The following RFTN1 variants were observed in gnomAD, a reference collection of about 807,000 sequenced individuals.
The protein encoded by RFTN1 is raftlin, lipid raft linker 1.
RFTN1 carries 26 observed loss-of-function variants against 46.5 expected under a neutral mutation model. That is an observed-to-expected ratio of 0.56 (90% CI 0.41 to 0.78). The LOEUF (loss-of-function observed/expected upper bound fraction) is 0.78. Among genes scored for constraint, RFTN1 ranks in the 30% least tolerant of loss-of-function variants. The probability of loss-of-function intolerance (pLI) is 0.00; values close to 1 mark genes in which losing one functional copy is unlikely to be tolerated. For synonymous variants in RFTN1, 261 were observed against 284.2 expected (o/e 0.92, Z 0.82); for missense variants, 693 against 718.7 (o/e 0.96, Z 0.41).
At position 16,382,241 on chromosome 3, in the gene RFTN1, T is replaced by C. The variant is rs959209448; in HGVS notation, c.442-4139A>G. 2.6e-5 allele frequency among the ~76,000 whole-genome samples: 4 copies of C among 152,186 alleles called. No homozygotes were observed. Among genetic ancestry groups the C allele is most frequent in the African/African-American group, 9.7e-5 (4 of 41,450 alleles). ...GTTGTTTACCAAAAAGGGTGCGTAG[T>C]CCTTTTTAACTAGACGACCACATTT... On this transcript the variant is annotated intron_variant, in intron 4 of 9. Coordinates refer to ENST00000334133, the MANE Select transcript of RFTN1 (RefSeq NM_015150.2). This position sits in a 1 kb window ranked among gnomAD's most constrained non-coding sequence, Gnocchi z 4.7.
chr3:16,426,496 T>TA lies in RFTN1; in HGVS notation c.332+7354dup, dbSNP rs1237370997. On this transcript the variant is annotated intron_variant, in intron 3 of 9. Coordinates refer to ENST00000334133, the MANE Select transcript of RFTN1 (RefSeq NM_015150.2). The surrounding 1 kb of genome is among the most constrained non-coding windows in gnomAD (Gnocchi z 5.9). ...AATGTTCATATTATCTTGTAGGCTA[T>TA]AAAAAAAAGATAACATAATGCATTT... Among the ~76,000 whole-genome samples the TA allele has an allele frequency of 2.6e-5, 4 of 152,042 alleles. No homozygotes were observed. The highest frequency in any genetic ancestry group is 4.8e-5 in the African/African-American group (2 of 41,408).
In RFTN1 at chr3:16,376,559, TG is replaced by T. The variant is rs2073781082; in HGVS notation, c.826+1158del. Among the ~76,000 whole-genome samples the T allele has an allele frequency of 6.6e-6, 1 of 152,184 alleles. No individual in the cohort carries two copies. The highest frequency in any genetic ancestry group is 2.4e-5 in the African/African-American group (1 of 41,444). On this transcript the variant is annotated intron_variant, in intron 5 of 9. Transcript: ENST00000334133. The surrounding 1 kb of genome is among the most constrained non-coding windows in gnomAD (Gnocchi z 4.7). ...CTGGGCGTTCATGAGGACGACACAC[TG>T]GGCTTAAATGCATGCTCAGCTACTT...
rs2075626063 is a variant in RFTN1, at chr3:16,441,652, C to A, written c.146-7615G>T. ...ACTGCAACAGCTTCTATTATTTTGCCCAGAAATCATTTGTGACTTTAACCT... is the reference window on the plus strand; with the variant it reads ...ACTGCAACAGCTTCTATTATTTTGCACAGAAATCATTTGTGACTTTAACCT... On this transcript the variant is annotated intron_variant, in intron 2 of 9. Transcript: ENST00000334133. Among the ~76,000 whole-genome samples the A allele has an allele frequency of 2.0e-5, 3 of 152,296 alleles. No individual in the cohort carries two copies. The South Asian group carries it at 6.2e-4, about 32-fold the overall frequency.
At position 16,448,071 on chromosome 3, in the gene RFTN1, T is replaced by C. The variant is rs2075763844; in HGVS notation, c.146-14034A>G. Among the ~76,000 whole-genome samples, 1 of 151,908 alleles carries C rather than the reference T, an allele frequency of 6.6e-6. No individual in the cohort carries two copies. Among genetic ancestry groups the C allele is most frequent in the Non-Finnish European group, 1.5e-5 (1 of 67,976 alleles). ...GCATCTGAAATGTGGCCAGTGTGAT[T>C]GAGATGTGCCCAAAGTATAAATAAA... On this transcript the variant is annotated intron_variant, in intron 2 of 9. Transcript: ENST00000334133. This position sits in a 1 kb window ranked among gnomAD's most constrained non-coding sequence, Gnocchi z 4.1.
At chr3:16,469,042 C>T (rs532884851) in intron 2 of RFTN1, among the ~76,000 whole-genome samples, 20 of 152,326 alleles carry the variant, frequency 1.3e-4, no homozygotes, top group Middle Eastern at 3.4e-3. Flanking sequence ...CTTGAGTTCC[C>T]GCCTATCCCA....
At chr3:16,436,712 C>T (rs546600980) in intron 2 of RFTN1, among the ~76,000 whole-genome samples, 406 of 152,246 alleles carry the variant, frequency 2.7e-3, no homozygotes, top group Non-Finnish European at 4.7e-3. Flanking sequence ...ATTTGAGATG[C>T]CATATATCAT....
rs2075835721 is a variant in RFTN1 at position 16,452,408 on chromosome 3, T to C, written c.146-18371A>G. 1.3e-5 allele frequency among the ~76,000 whole-genome samples: 2 copies of C among 152,206 alleles called. No individual in the cohort carries two copies. The highest frequency in any genetic ancestry group is 1.3e-4 in the Admixed American group (2 of 15,282). On this transcript the variant is annotated intron_variant, in intron 2 of 9. Transcript: ENST00000334133. This position sits in a 1 kb window ranked among gnomAD's most constrained non-coding sequence, Gnocchi z 6.3. Reference sequence around the variant, plus strand: ...CTAAAGTCTCCCTCCATCTTCACAATGTTGATTGAAATGCTTAGCTACTGT... The same window carrying C: ...CTAAAGTCTCCCTCCATCTTCACAACGTTGATTGAAATGCTTAGCTACTGT...
At chr3:16,417,014 T>G (rs897090589) in intron 3 of RFTN1, among the ~76,000 whole-genome samples, 1,602 of 149,528 alleles carry the variant, frequency 0.011, 29 homozygotes, top group African/African-American at 0.036. Flanking sequence ...TTTTTCTTTT[T>G]TTTTTTTTTT....
rs528793662 is a variant in RFTN1, at chr3:16,321,589, C to T, written c.1332+1787G>A. ...CTTCCAAGGAGTCTGGCTGTGAAGC[C>T]CCCCTCTCTGGAGGACTCCCATCTG... On this transcript the variant is annotated intron_variant, in intron 9 of 9. Transcript: ENST00000334133. This position sits in a 1 kb window ranked among gnomAD's most constrained non-coding sequence, Gnocchi z 4.8. 1.1e-4 allele frequency among the ~76,000 whole-genome samples: 16 copies of T among 152,226 alleles called. No homozygotes were observed. Among genetic ancestry groups the T allele is most frequent in the Non-Finnish European group, 2.9e-5 (2 of 68,006 alleles).
At position 16,458,407 on chromosome 3, in the gene RFTN1, T is replaced by C. The variant is rs2124923184; in HGVS notation, c.146-24370A>G. ...ATACAGCAGAAAGGAAAAGGAAAAG[T>C]GTTTCTCTCACTGACATTTGGAAGA... On this transcript the variant is annotated intron_variant, in intron 2 of 9. Coordinates refer to ENST00000334133, the MANE Select transcript of RFTN1 (RefSeq NM_015150.2). The surrounding 1 kb of genome is among the most constrained non-coding windows in gnomAD (Gnocchi z 5.1). Among the ~76,000 whole-genome samples the C allele has an allele frequency of 1.3e-5, 2 of 152,298 alleles. No homozygotes were observed. The highest frequency in any genetic ancestry group is 3.9e-4 in the East Asian group (2 of 5,184).
rs748968126 is a variant in RFTN1, at chr3:16,460,444, G to C, written c.146-26407C>G. Reference sequence around the variant, plus strand: ...CATTTCATTTGAATTTCCGGAGCCTGGTTTTATCTTAACAGCCCTCATACT... The same window carrying C: ...CATTTCATTTGAATTTCCGGAGCCTCGTTTTATCTTAACAGCCCTCATACT... On this transcript the variant is annotated intron_variant, in intron 2 of 9. Coordinates refer to ENST00000334133, the MANE Select transcript of RFTN1 (RefSeq NM_015150.2). This position sits in a 1 kb window ranked among gnomAD's most constrained non-coding sequence, Gnocchi z 4.8. Among the ~76,000 whole-genome samples, 28 of 152,198 alleles carry C rather than the reference G, an allele frequency of 1.8e-4. No individual in the cohort carries two copies. Among genetic ancestry groups the C allele is most frequent in the Middle Eastern group, 3.4e-3 (1 of 294 alleles).
intron 4 of RFTN1, among the ~76,000 whole-genome samples, chr3:16,404,085 T>TATA (rs1437770046): frequency 9.6e-3 from 55 of 5,712 alleles, no homozygotes; most frequent in African/African-American, 0.016. Flanking sequence ...TATATATATT[T>TATA]TATATATTAT....
At chr3:16,486,265 C>T (rs1369820898) in intron 2 of RFTN1, among the ~76,000 whole-genome samples, 1 of 151,956 alleles carries the variant, frequency 6.6e-6, no homozygotes, top group African/African-American at 2.4e-5. Flanking sequence ...CCCAGCATTG[C>T]CCCTTCCATC....
intron 2 of RFTN1, chr3:16,454,657 C>T (rs2075874832): frequency 1.8e-6 from 1 of 555,488 alleles, no homozygotes; most frequent in African/African-American, 2.0e-5. Flanking sequence ...CTCCTCTCCT[C>T]CTCATTCCCT....
intron 1 of RFTN1, among the ~76,000 whole-genome samples, chr3:16,511,689 A>G (rs960479367): frequency 6.6e-6 from 1 of 152,050 alleles, no homozygotes; most frequent in African/African-American, 2.4e-5. Flanking sequence ...GTAGCTTTAC[A>G]GGAACTCACA....
In RFTN1 at chr3:16,352,552, G is replaced by A. The variant is rs147551478; in HGVS notation, c.1146+5380C>T. ...AATTTTAGGCTGTAGGTTTCCAACC[G>A]AGCAAAATGCAATTATTTGTATTTG... On this transcript the variant is annotated intron_variant, in intron 7 of 9. Coordinates refer to ENST00000334133, the MANE Select transcript of RFTN1 (RefSeq NM_015150.2). This position sits in a 1 kb window ranked among gnomAD's most constrained non-coding sequence, Gnocchi z 4.6. 2.0e-3 allele frequency among the ~76,000 whole-genome samples: 300 copies of A among 152,196 alleles called. No homozygotes were observed. The highest frequency in any genetic ancestry group is 3.5e-3 in the Non-Finnish European group (237 of 68,006).
rs1310226551 is a variant in RFTN1 at position 16,344,898 on chromosome 3, A to T, written c.1146+13034T>A. Among the ~76,000 whole-genome samples, 1 of 152,226 alleles carries T rather than the reference A, an allele frequency of 6.6e-6. No individual in the cohort carries two copies. Among genetic ancestry groups the T allele is most frequent in the Non-Finnish European group, 1.5e-5 (1 of 68,036 alleles). ...ACCCCCCAACCTTTTATGCTCACTG[A>T]TTTAATATACTTCAGTTCTCTCTGG... On this transcript the variant is annotated intron_variant, in intron 7 of 9. Coordinates refer to ENST00000334133, the MANE Select transcript of RFTN1 (RefSeq NM_015150.2). The surrounding 1 kb of genome is among the most constrained non-coding windows in gnomAD (Gnocchi z 4.4).
At chr3:16,350,395 G>A (rs1033661275) in intron 7 of RFTN1, 4 of 152,186 alleles carry the variant, frequency 2.6e-5, no homozygotes, top group African/African-American at 9.7e-5. Flanking sequence ...CTGAGTCATG[G>A]ATGGGCGTGG....
At position 16,460,564 on chromosome 3, in the gene RFTN1, C is replaced by T. The variant is rs1190848898; in HGVS notation, c.146-26527G>A. On this transcript the variant is annotated intron_variant, in intron 2 of 9. Transcript: ENST00000334133. This position sits in a 1 kb window ranked among gnomAD's most constrained non-coding sequence, Gnocchi z 4.8. ...CAACGCCGCTGTCCAAAACCAAAAC[C>T]TCACATTTCAAGCAGAGGCTGGGTG... 6.6e-6 allele frequency among the ~76,000 whole-genome samples: 1 copy of T among 152,130 alleles called. No homozygotes were observed. The highest frequency in any genetic ancestry group is 1.5e-5 in the Non-Finnish European group (1 of 68,022).
Sources: gnomAD v4.1 joint callset for allele counts (sites outside exome capture counted in the v4.1 genomes callset) on GRCh38, gnomAD v4.1.1 for gene constraint, Gnocchi (gnomAD v3.1) non-coding constraint, MANE v1.5 for transcripts, NCBI Gene and HGNC (gene_info 2026-07-23, HGNC 2026-07-21) for gene names.